VAV3: variants seen among roughly 807,000 people sequenced by gnomAD.
VAV3 encodes the protein guanine nucleotide exchange factor VAV3.
A neutral mutation model predicts 131.2 loss-of-function variants in VAV3; 94 were observed. That is an observed-to-expected ratio of 0.72 (90% CI 0.61 to 0.85). The LOEUF is 0.85. Ranked by LOEUF, VAV3 falls within the 40% of genes least tolerant of loss-of-function variation. VAV3 has a pLI of 0.00. For missense variants in VAV3, 939 were observed against 1,002.7 expected, an observed-to-expected ratio of 0.94 and a Z score of 0.86; for synonymous variants, 349 against 342.0, an observed-to-expected ratio of 1.02 and a Z score of -0.22.
chr1:107,792,650 T>C (rs1168714777), intron 2 of VAV3, among the ~76,000 whole-genome samples: 1 of 152,232 alleles, frequency 6.6e-6, no homozygotes, highest in African/African-American at 2.4e-5. Flanking sequence ...TGTCAAAAAA[T>C]TACCATGATC....
chr1:107,644,911 T>A (rs1414172976), intron 19 of VAV3, among the ~76,000 whole-genome samples: 1 of 149,408 alleles, frequency 6.7e-6, no homozygotes, highest in African/African-American at 2.4e-5. Context: ...TACATACTAG[T>A]GTATACACTA....
intron 25 of VAV3, among the ~76,000 whole-genome samples, chr1:107,583,351 G>A (rs929769223): frequency 6.6e-6 from 1 of 152,200 alleles, no homozygotes; most frequent in Non-Finnish European, 1.5e-5. Context: ...ACTGGCACAA[G>A]ACAAGGATGC....
chr1:107,812,959 TAAAAATACAA>T (rs916427710), intron 2 of VAV3, among the ~76,000 whole-genome samples: 16 of 151,738 alleles, frequency 1.1e-4, no homozygotes, highest in Non-Finnish European at 2.4e-4. Flanking sequence ...CCATCTCTAC[TAAAAATACAA>T]AAAATTAGCC....
intron 7 of VAV3, among the ~76,000 whole-genome samples, chr1:107,767,779 C>A (rs528751974): frequency 6.6e-6 from 1 of 152,320 alleles, no homozygotes; most frequent in South Asian, 2.1e-4. Context: ...TCTTGCCTAG[C>A]ATTACCTCAC....
rs532998848 is a variant in VAV3, at chr1:107,877,278, C to T, written c.205-2261G>A. The stretch of plus-strand genomic sequence containing the variant: ...TTAAAAGCCTTGTATTCTACCAAGA[C>T]AGATAATAATTACTCTCTTGGGGAT... On this transcript the variant is annotated intron_variant, in intron 1 of 26. Coordinates refer to ENST00000370056, the MANE Select transcript of VAV3 (RefSeq NM_006113.5). Among the ~76,000 whole-genome samples, 63 of 152,270 alleles carry T rather than the reference C, an allele frequency of 4.1e-4. 1 individual carries two copies. Among genetic ancestry groups the T allele is most frequent in the African/African-American group, 1.5e-3 (61 of 41,564 alleles).
chr1:107,719,553 C>T (rs999980156), intron 15 of VAV3, among the ~76,000 whole-genome samples: 1 of 152,154 alleles, frequency 6.6e-6, no homozygotes, highest in Non-Finnish European at 1.5e-5. Context: ...AGTAAAAAGT[C>T]AGGAAACAAG....
intron 2 of VAV3, among the ~76,000 whole-genome samples, chr1:107,784,753 A>G (rs1049416442): frequency 5.3e-5 from 8 of 152,322 alleles, no homozygotes; most frequent in African/African-American, 1.9e-4. Context: ...ACACAAAAAT[A>G]TTTCTGGCTT....
At chr1:107,779,788 A>T (rs1665587923) in intron 2 of VAV3, among the ~76,000 whole-genome samples, 1 of 152,214 alleles carries the variant, frequency 6.6e-6, no homozygotes. Flanking sequence ...GCCCCAAGCA[A>T]CTTGTATCTC....
intron 1 of VAV3, among the ~76,000 whole-genome samples, chr1:107,881,685 A>G (rs1312940334): frequency 6.6e-6 from 1 of 152,200 alleles, no homozygotes; most frequent in African/African-American, 2.4e-5. Flanking sequence ...CAATGCACAT[A>G]ACTTCCGAAG....
intron 1 of VAV3, 106 bp downstream of exon 1, chr1:107,964,560 G>A: frequency 2.3e-6 from 3 of 1,290,894 alleles, no homozygotes; most frequent in African/African-American, 1.5e-5. Flanking sequence ...CTGGGAAGCA[G>A]GGCAAGCTCA....
At chr1:107,577,018 GA>G (rs79649532) in intron 25 of VAV3, among the ~76,000 whole-genome samples, 53,758 of 151,932 alleles carry the variant, frequency 0.35, 9,903 homozygotes, top group Middle Eastern at 0.42. Flanking sequence ...CTTATAGCTG[GA>G]AAAAAGTAAA....
chr1:107,940,506 C>T (rs1673933834), intron 1 of VAV3, among the ~76,000 whole-genome samples: 1 of 152,198 alleles, frequency 6.6e-6, no homozygotes, highest in South Asian at 2.1e-4. Flanking sequence ...ACAAAGTCCT[C>T]CTGGTTTCAG....
At chr1:107,927,798 T>C (rs1673235279) in intron 1 of VAV3, among the ~76,000 whole-genome samples, 1 of 152,126 alleles carries the variant, frequency 6.6e-6, no homozygotes, top group Non-Finnish European at 1.5e-5. Context: ...GATTTTGGAC[T>C]CCAGTCCCTG....
intron 1 of VAV3, among the ~76,000 whole-genome samples, chr1:107,877,554 C>T (rs1343664766): frequency 6.6e-6 from 1 of 152,092 alleles, no homozygotes; most frequent in Admixed American, 6.6e-5. Context: ...TAAAAAGAGG[C>T]CTTCCCCTTA....
rs1331568265 is a variant in VAV3 at position 107,772,849 on chromosome 1, A to G, written c.447-6T>C. ...CATCTTCCACAAGGGTTTCACTACA[A>G]CAAAGGATATCATATAAGGTCATTT... On this transcript the variant is annotated splice_region_variant and splice_polypyrimidine_tract_variant and intron_variant, in intron 4 of 26. Transcript: ENST00000370056. 6.2e-7 allele frequency: 1 copy of G among 1,610,088 alleles called. No individual in the cohort carries two copies. The highest frequency in any genetic ancestry group is 8.5e-7 in the Non-Finnish European group (1 of 1,177,324).
chr1:107,586,188 A>C (rs1650477967), intron 25 of VAV3, among the ~76,000 whole-genome samples: 2 of 150,574 alleles, frequency 1.3e-5, no homozygotes, highest in African/African-American at 4.9e-5. Flanking sequence ...CTAACATAAT[A>C]CACTTAATTA....
In VAV3 at chr1:107,964,854, G is replaced by A; in HGVS notation, c.16C>T (p.Gln6Ter). The A allele has an allele frequency of 6.2e-7, 1 of 1,603,180 alleles. No homozygotes were observed. The highest frequency in any genetic ancestry group is 8.5e-7 in the Non-Finnish European group (1 of 1,174,740). ...CAATGGATGAGCCACTGCGCGCACT[G>A]CTTCCACGGCTCCATGCCCGACGGC... MEPWK[Q>*]CAQWLIHCKV... is the part of the protein sequence containing the mutation. Residue 6 changes from glutamine to a stop codon, truncating the protein, a stop_gained, in exon 1 of 27, where the codon CAG (glutamine) becomes TAG (stop). Transcript: ENST00000370056. LOFTEE classifies it high-confidence loss of function.
rs369720084 is a variant in VAV3 at position 107,648,295 on chromosome 1, G to A, written c.1778-5540C>T. Reference sequence around the variant, plus strand: ...TCACTCTTTGGCACTGTCTACTGGAGTATTAGTGAATCATGAATCAAGGAT... The same window carrying A: ...TCACTCTTTGGCACTGTCTACTGGAATATTAGTGAATCATGAATCAAGGAT... On this transcript the variant is annotated intron_variant, in intron 19 of 26. Coordinates refer to ENST00000370056, the MANE Select transcript of VAV3 (RefSeq NM_006113.5). 1.4e-4 allele frequency among the ~76,000 whole-genome samples: 22 copies of A among 152,102 alleles called. No homozygotes were observed. The East Asian group carries it at 3.1e-3, about 21-fold the overall frequency.
At chr1:107,819,424 C>G (rs1156853558) in intron 2 of VAV3, among the ~76,000 whole-genome samples, 1 of 151,330 alleles carries the variant, frequency 6.6e-6, no homozygotes, top group African/African-American at 2.4e-5. Flanking sequence ...ATAATCCCAG[C>G]TACTTGGGAG....
Sources: allele counts gnomAD v4.1 joint callset (sites outside exome capture counted in the v4.1 genomes callset), GRCh38; gene constraint gnomAD v4.1.1; transcripts MANE v1.5; gene names NCBI Gene and HGNC (gene_info 2026-07-23, HGNC 2026-07-21).